Variants in IRAG2 observed in about 807,000 individuals in gnomAD.
IRAG2 encodes inositol 1,4,5-triphosphate receptor associated 2, also known as lymphoid restricted membrane protein.
Under a neutral mutation model 69.9 loss-of-function variants are expected in IRAG2, and 45 were observed. The ratio of observed to expected loss-of-function variants is 0.64; its 90% confidence interval spans 0.51 to 0.83. The LOEUF (loss-of-function observed/expected upper bound fraction) is 0.83. IRAG2 is among the 40% of genes least tolerant of loss of function. IRAG2 has a pLI of 0.00. For synonymous variants in IRAG2, 193 were observed against 202.4 expected (o/e 0.95, Z 0.40); for missense variants, 520 against 587.0 (o/e 0.89, Z 1.18).
intron 2 of IRAG2, among the ~76,000 whole-genome samples, chr12:25,061,875 C>G (rs1945656465): frequency 6.6e-6 from 1 of 152,158 alleles, no homozygotes; most frequent in African/African-American, 2.4e-5. Flanking sequence ...ATAATATCTT[C>G]TAGAGAGGAA....
chr12:25,035,193 T>C (rs899971710), intron 13 of IRAG2, among the ~76,000 whole-genome samples: 2 of 152,204 alleles, frequency 1.3e-5, no homozygotes, highest in Non-Finnish European at 2.9e-5. Flanking sequence ...TTGGGTCATA[T>C]ATTTAAAATA....
rs1944419204 is a variant in IRAG2 at position 25,004,902 on chromosome 12, T to A, written c.561T>A (p.Ser187=). ...AGGATTCAGTGGTAAAAAAATTATC[T>A]CTGAATGAAGATGGTAAATATTCAT... is the stretch of plus-strand genomic sequence containing the variant. Residue 187 remains serine, a synonymous_variant, in exon 1 of 39, where the codon TCT becomes TCA. Transcript: ENST00000636465. 2.4e-6 allele frequency: 3 copies of A among 1,230,832 alleles called. No individual in the cohort carries two copies. In the African/African-American group the frequency reaches 4.7e-5, roughly 19 times the overall value. 76.2% of individuals were successfully genotyped at this position (1,230,832 alleles called of 1,614,324 possible).
At chr12:25,019,074 G>A (rs537681533) in intron 6 of IRAG2, among the ~76,000 whole-genome samples, 1 of 152,328 alleles carries the variant, frequency 6.6e-6, no homozygotes, top group African/African-American at 2.4e-5. Flanking sequence ...GCAGGAGGGG[G>A]AGCATGCAGG....
intron 2 of IRAG2, among the ~76,000 whole-genome samples, chr12:25,005,737 C>T (rs73297375): frequency 0.018 from 2,668 of 152,156 alleles, 70 homozygotes; most frequent in African/African-American, 0.06. Context: ...TTCTGTTTTT[C>T]TTTAATTTTT....
intron 12 of IRAG2, chr12:25,033,747 G>A (rs1049827177): frequency 2.5e-6 from 1 of 394,498 alleles, no homozygotes; most frequent in Non-Finnish European, 4.5e-6. Flanking sequence ...CTTGGCACAT[G>A]GCACTGATTG....
chr12:25,026,251 A>G (rs1451430268), intron 8 of IRAG2, among the ~76,000 whole-genome samples: 1 of 152,216 alleles, frequency 6.6e-6, no homozygotes, highest in African/African-American at 2.4e-5. Flanking sequence ...GTTAAAGGCC[A>G]TGAATTAAAC....
chr12:25,064,109 C>T (rs1023207383), intron 4 of IRAG2, among the ~76,000 whole-genome samples: 19 of 151,932 alleles, frequency 1.3e-4, no homozygotes, highest in African/African-American at 2.7e-4. Flanking sequence ...GAGACCAGCC[C>T]GGGCAACATC....
intron 5 of IRAG2, among the ~76,000 whole-genome samples, chr12:25,016,336 G>A (rs1426634959): frequency 1.3e-5 from 2 of 152,200 alleles, no homozygotes; most frequent in Admixed American, 6.5e-5. Context: ...TGATATCATG[G>A]CAAATGATGC....
chr12:25,052,797 A>G lies in IRAG2; in HGVS notation c.-606A>G. On this transcript the variant is annotated 5_prime_UTR_variant, in exon 1 of 22. Coordinates refer to ENST00000556887, the MANE Select transcript of IRAG2 (RefSeq NM_001366544.2). The stretch of plus-strand genomic sequence containing the variant: ...AGCACTAACTATCCATGTCCAGGGT[A>G]AGGATCGAGATCGAGAAGCCCACAC... 2.5e-6 allele frequency: 1 copy of G among 398,650 alleles called. No individual in the cohort carries two copies. Among genetic ancestry groups the G allele is most frequent in the Non-Finnish European group, 4.4e-6 (1 of 226,066 alleles). The allele number at this position is 398,650 out of a possible 1,614,324, so 24.7% of individuals were successfully genotyped here. A position where few individuals can be genotyped will look rare whatever the true frequency, so the allele number is the denominator to read the frequency against.
chr12:25,071,299 T>C (rs182503701), intron 6 of IRAG2, among the ~76,000 whole-genome samples: 264 of 152,160 alleles, frequency 1.7e-3, no homozygotes, highest in African/African-American at 5.8e-3. Flanking sequence ...TGAGCCGAGA[T>C]TGCGCCACTG....
chr12:25,031,588 T>C (rs1162133659), intron 10 of IRAG2, among the ~76,000 whole-genome samples: 3 of 152,236 alleles, frequency 2.0e-5, no homozygotes, highest in Non-Finnish European at 4.4e-5. Context: ...TTGATTCCAC[T>C]GGGTCAGACA....
exon 1 of IRAG2, chr12:25,004,699 G>A (rs914550132): frequency 8.1e-6 from 10 of 1,232,048 alleles, no homozygotes; most frequent in South Asian, 4.1e-5. Flanking sequence ...TTCTGAAAAC[G>A]TCTCAAAGCC....
At chr12:25,096,805 A>G in intron 14 of IRAG2, 105 bp from the exon 15 acceptor site, 1 of 808,290 alleles carries the variant, frequency 1.2e-6, no homozygotes, top group African/African-American at 1.8e-5. Context: ...TTCCACCGAA[A>G]TAATTGAGAT....
intron 10 of IRAG2, 25 bp from the exon 11 acceptor site, chr12:25,088,075 C>G (rs1565575886): frequency 6.6e-7 from 1 of 1,514,178 alleles, no homozygotes; most frequent in East Asian, 2.3e-5. Flanking sequence ...ACTCTATGTA[C>G]AGTGGTAAAA....
chr12:25,103,091 G>A (rs189648594), intron 17 of IRAG2: 1 of 152,198 alleles, frequency 6.6e-6, no homozygotes, highest in East Asian at 1.9e-4. Context: ...TTAAATTAGG[G>A]ATGATGGTTT....
chr12:25,094,861 A>C (rs1165141802), intron 14 of IRAG2, among the ~76,000 whole-genome samples: 1 of 151,812 alleles, frequency 6.6e-6, no homozygotes, highest in South Asian at 2.1e-4. Flanking sequence ...GGTTTTCTTA[A>C]TTTCTTTTTT....
chr12:25,059,939 A>C (rs553423367), intron 1 of IRAG2, among the ~76,000 whole-genome samples: 1 of 152,334 alleles, frequency 6.6e-6, no homozygotes, highest in African/African-American at 2.4e-5. Context: ...CCAGGCTATT[A>C]AGATATAAAA....
chr12:25,102,455 T>G (rs966876286), intron 17 of IRAG2: 1 of 540,078 alleles, frequency 1.9e-6, no homozygotes, highest in Admixed American at 3.4e-5. Context: ...AGTACAACAA[T>G]GGTTTCTCTC....
intron 10 of IRAG2, chr12:25,032,109 T>C (rs562158144): frequency 2.5e-6 from 1 of 398,858 alleles, no homozygotes; most frequent in Admixed American, 4.4e-5. Context: ...ACCCATTACT[T>C]TTTTGCTATT....
Sources: gnomAD v4.1 joint callset for allele counts (sites outside exome capture counted in the v4.1 genomes callset) on GRCh38, gnomAD v4.1.1 for gene constraint, MANE v1.5 for transcripts, NCBI Gene and HGNC (gene_info 2026-07-23, HGNC 2026-07-21) for gene names.